Variants in NAP1L1 observed in about 807,000 individuals in gnomAD.
The protein encoded by NAP1L1 is nucleosome assembly protein 1 like 1.
In NAP1L1, 9 loss-of-function variants were observed where a neutral mutation model predicts 58.9. The observed-to-expected ratio is 0.15, with a 90% CI of 0.09 to 0.27. The LOEUF is 0.27. Ranked by LOEUF, NAP1L1 falls within the 10% of genes least tolerant of loss-of-function variation. The pLI is 1.00. For synonymous variants in NAP1L1, 130 were observed against 138.3 expected (o/e 0.94, Z 0.42); for missense variants, 302 against 458.8 (o/e 0.66, Z 3.12).
rs1008519828 is a variant in NAP1L1 at position 76,037,476 on chromosome 12, A to G, written c.*10953T>C. 8.5e-5 allele frequency: 13 copies of G among 152,366 alleles called. No homozygotes were observed. Among genetic ancestry groups the G allele is most frequent in the African/African-American group, 2.9e-4 (12 of 41,452 alleles). 9.4% of individuals were successfully genotyped at this position (152,366 alleles called of 1,614,324 possible). On this transcript the variant is annotated 3_prime_UTR_variant, in exon 15 of 15. Transcript: ENST00000618691. Reference sequence around the variant, plus strand: ...CTCATCTAAGTTCTTGGGTGGCCCAATCACCTGATCCATACTCATACACAT... The same window carrying G: ...CTCATCTAAGTTCTTGGGTGGCCCAGTCACCTGATCCATACTCATACACAT...
rs79993381 is a variant in NAP1L1, at chr12:76,078,836, A to G, written c.-20-4597T>C. On this transcript the variant is annotated intron_variant, in intron 1 of 14. Transcript: ENST00000618691. ...ATGTTAAGATCCAATGAAGCCTAAT[A>G]AAGACTTCATACAAGTTCTGGGAGC... Among the ~76,000 whole-genome samples, 1,478 of 152,316 alleles carry G rather than the reference A, an allele frequency of 9.7e-3. 22 individuals are homozygous for G. The highest frequency in any genetic ancestry group is 0.033 in the African/African-American group (1,371 of 41,552).
At chr12:76,070,114 T>C (rs1371960766) in intron 2 of NAP1L1, among the ~76,000 whole-genome samples, 1 of 122,698 alleles carries the variant, frequency 8.2e-6, no homozygotes, top group Non-Finnish European at 1.7e-5. Flanking sequence ...ACATACAATT[T>C]CTGAAAGCTT....
rs1000661148 is a variant in NAP1L1, at chr12:76,052,213, TTAACTAGAC to T, written c.936+869_936+877del. On this transcript the variant is annotated intron_variant, in intron 11 of 14. Coordinates refer to ENST00000618691, the MANE Select transcript of NAP1L1 (RefSeq NM_004537.7). ...AACCACAGGTGGAGGTTTTCTATCC[TTAACTAGAC>T]TGTTTTGTCATCATCAATATTTAGT... Among the ~76,000 whole-genome samples the T allele has an allele frequency of 3.3e-5, 5 of 152,012 alleles. 1 individual carries two copies. The highest frequency in any genetic ancestry group is 3.3e-4 in the Admixed American group (5 of 15,250).
At chr12:76,068,762 A>ACACACACACACACACACG (rs1444977889) in intron 3 of NAP1L1, 147 bp downstream of exon 3, 1 of 606,952 alleles carries the variant, frequency 1.6e-6, no homozygotes. Flanking sequence ...ACACACACAC[A>ACACACACACACACACACG]CACACACACA....
Position 76,060,272 on chromosome 12 carries a change from T to C in NAP1L1, c.214A>G (p.Arg72Gly), listed in dbSNP as rs533316083. The part of the protein sequence containing the change: ...TPTGYIESLP[R>G]VVKRRVNALK... Reference sequence around the variant, plus strand: ...GCATTCACTCGTCTTTTAACTACCCTAGGCAGGCTGAAAGGTTAGAAATCA... The same window carrying C: ...GCATTCACTCGTCTTTTAACTACCCCAGGCAGGCTGAAAGGTTAGAAATCA... The change falls in exon 5 of 15, where the codon AGG becomes GGG. Residue 72 changes from arginine (R) to glycine (G), a missense_variant. Transcript: ENST00000618691. 12 of 1,613,680 alleles carry C rather than the reference T, an allele frequency of 7.4e-6. No homozygotes were observed. In the African/African-American group the frequency reaches 9.3e-5, roughly 13 times the overall value.
At chr12:76,073,204 T>C (rs998449545) in intron 2 of NAP1L1, among the ~76,000 whole-genome samples, 9 of 152,178 alleles carry the variant, frequency 5.9e-5, no homozygotes, top group African/African-American at 2.2e-4. Context: ...GCCCAAATTC[T>C]TATTTGTACT....
rs557627976 is a variant in NAP1L1, at chr12:76,045,799, A to C, written c.*2630T>G. On this transcript the variant is annotated 3_prime_UTR_variant, in exon 15 of 15. Coordinates refer to ENST00000618691, the MANE Select transcript of NAP1L1 (RefSeq NM_004537.7). ...AAGCAAACAACTCTAAAATTTTTTC[A>C]TATCAGTTTTCTTTATAAGTGATTA... The C allele has an allele frequency of 5.3e-5, 8 of 152,078 alleles. No individual in the cohort carries two copies. Among genetic ancestry groups the C allele is most frequent in the Non-Finnish European group, 1.2e-4 (8 of 67,922 alleles). The allele number at this position is 152,078 out of a possible 1,614,324, so 9.4% of individuals were successfully genotyped here. A position where few individuals can be genotyped will look rare whatever the true frequency, so the allele number is the denominator to read the frequency against.
At position 76,038,744 on chromosome 12, in the gene NAP1L1, G is replaced by GT. The variant is rs1178438771; in HGVS notation, c.*9684dup. 1 of 152,182 alleles carries GT rather than the reference G, an allele frequency of 6.6e-6. No homozygotes were observed. The highest frequency in any genetic ancestry group is 1.5e-5 in the Non-Finnish European group (1 of 68,032). The allele number at this position is 152,182 out of a possible 1,614,324, so 9.4% of individuals were successfully genotyped here. ...CCCAGGAAATGTTTATGGCAAGCTT[G>GT]TATGTTGCCACTAAACCTACCAGAA... is the stretch of plus-strand genomic sequence containing the variant. On this transcript the variant is annotated 3_prime_UTR_variant, in exon 15 of 15. Coordinates refer to ENST00000618691, the MANE Select transcript of NAP1L1 (RefSeq NM_004537.7).
chr12:76,072,266 A>G (rs1285533514), intron 2 of NAP1L1, among the ~76,000 whole-genome samples: 3 of 150,852 alleles, frequency 2.0e-5, no homozygotes, highest in African/African-American at 4.9e-5. Context: ...GAGAAAAGAC[A>G]TTATCATCAA....
intron 4 of NAP1L1, among the ~76,000 whole-genome samples, chr12:76,062,116 CGTT>C (rs754497160): frequency 7.9e-5 from 12 of 152,184 alleles, no homozygotes; most frequent in Non-Finnish European, 1.6e-4. Flanking sequence ...TTGCAACAAT[CGTT>C]GTCTGTCATC....
Position 76,049,188 on chromosome 12 carries a change from A to G in NAP1L1, c.1140+12T>C. On this transcript the variant is annotated intron_variant, in intron 14 of 14. Coordinates refer to ENST00000618691, the MANE Select transcript of NAP1L1 (RefSeq NM_004537.7). ...CTTAAATTTAATAGAAAGCAGCACT[A>G]ATTTTGCTCACCTTTGGGTCATAGT... 6.2e-7 allele frequency: 1 copy of G among 1,609,930 alleles called. No individual in the cohort carries two copies. The highest frequency in any genetic ancestry group is 8.5e-7 in the Non-Finnish European group (1 of 1,176,626).
intron 11 of NAP1L1, among the ~76,000 whole-genome samples, chr12:76,051,521 T>C (rs1948827951): frequency 6.6e-6 from 1 of 152,078 alleles, no homozygotes; most frequent in African/African-American, 2.4e-5. Flanking sequence ...AGAAAGACAA[T>C]ATACTAACTA....
chr12:76,049,518 T>C, intron 13 of NAP1L1: 1 of 1,535,728 alleles, frequency 6.5e-7, no homozygotes, highest in Non-Finnish European at 8.7e-7. Flanking sequence ...TTCAAAGAGC[T>C]GATAACCCTG....
rs2136942284 is a variant in NAP1L1, at chr12:76,046,776, A to C, written c.*1653T>G. 6.6e-6 allele frequency: 1 copy of C among 152,606 alleles called. No individual in the cohort carries two copies. The highest frequency in any genetic ancestry group is 2.1e-4 in the South Asian group (1 of 4,834). The allele number at this position is 152,606 out of a possible 1,614,324, so 9.5% of individuals were successfully genotyped here. On this transcript the variant is annotated 3_prime_UTR_variant, in exon 15 of 15. Transcript: ENST00000618691. ...CAATAATCCACCCTCACTGTCAAAA[A>C]AAAGTTCAACCCCAAAATTAACAGT... is the stretch of plus-strand genomic sequence containing the variant.
chr12:76,048,115 AG>A lies in NAP1L1; in HGVS notation c.*313del. 1 of 312,020 alleles carries A rather than the reference AG, an allele frequency of 3.2e-6. No individual in the cohort carries two copies. Among genetic ancestry groups the A allele is most frequent in the Non-Finnish European group, 5.8e-6 (1 of 171,348 alleles). 19.3% of individuals were successfully genotyped at this position (312,020 alleles called of 1,614,324 possible). On this transcript the variant is annotated 3_prime_UTR_variant, in exon 15 of 15. Transcript: ENST00000618691. ...GGAAAAAATTACAAAAAAAAAAAAA[AG>A]GTATTTCCTTTAACAGTTGTTAATT...
intron 8 of NAP1L1, among the ~76,000 whole-genome samples, chr12:76,054,138 T>C (rs1398585879): frequency 1.3e-5 from 2 of 152,238 alleles, no homozygotes; most frequent in African/African-American, 2.4e-5. Context: ...CAAGTGATTC[T>C]GGTGCGCCAG....
intron 6 of NAP1L1, chr12:76,057,800 G>A: frequency 1.3e-6 from 2 of 1,551,064 alleles, no homozygotes; most frequent in Non-Finnish European, 1.7e-6. Flanking sequence ...GGAACAGCAG[G>A]GGAAGAAGAG....
At position 76,050,573 on chromosome 12, in the gene NAP1L1, C is replaced by T. The variant is rs1403014198; in HGVS notation, c.1017G>A (p.Val339=). The T allele has an allele frequency of 4.3e-6, 7 of 1,612,016 alleles. No individual in the cohort carries two copies. The highest frequency in any genetic ancestry group is 5.9e-6 in the Non-Finnish European group (7 of 1,179,464). ...CAATAGCTTCTCCAGTAAAATATAA[C>T]ACTGATCTTGGGATTATACGCTCAC... The part of the protein sequence containing the change: ...FLRERIIPRS[V]LYFTGEAIED... Residue 339 remains valine, a synonymous_variant, in exon 12 of 15, where the codon GTG becomes GTA. Coordinates refer to ENST00000618691, the MANE Select transcript of NAP1L1 (RefSeq NM_004537.7).
intron 4 of NAP1L1, among the ~76,000 whole-genome samples, chr12:76,066,225 C>T (rs1176869524): frequency 6.6e-6 from 1 of 151,796 alleles, no homozygotes; most frequent in Non-Finnish European, 1.5e-5. Context: ...CAAAGGTAGA[C>T]TCTAAAGGGA....
Sources: allele counts gnomAD v4.1 joint callset (sites outside exome capture counted in the v4.1 genomes callset), GRCh38; gene constraint gnomAD v4.1.1; transcripts MANE v1.5; gene names NCBI Gene and HGNC (gene_info 2026-07-23, HGNC 2026-07-21).